The following ABCA13 variants were observed in gnomAD, a reference collection of about 807,000 sequenced individuals.
ABCA13 encodes the protein ATP binding cassette subfamily A member 13, also known as ATP-binding cassette sub-family A member 13.
A neutral mutation model predicts 478.7 loss-of-function variants in ABCA13; 476 were observed. That is an observed-to-expected ratio of 0.99 (90% confidence interval 0.92 to 1.07). The LOEUF is 1.07. ABCA13 is among the 50% of genes least tolerant of loss of function. The pLI, the probability that ABCA13 is intolerant of heterozygous loss-of-function variation, is 0.00. For synonymous variants in ABCA13, 2,252 were observed against 2,158.9 expected (o/e 1.04, Z -1.20); for missense variants, 6,060 against 5,910.6 (o/e 1.03, Z -0.83).
intron 1 of ABCA13, among the ~76,000 whole-genome samples, chr7:48,189,910 T>C (rs1397689655): frequency 2.0e-5 from 3 of 152,196 alleles, no homozygotes; most frequent in Non-Finnish European, 4.4e-5. Context: ...AAAATGATGC[T>C]TTGTAAGTCT....
chr7:48,257,383 C>T (rs1436649359), intron 15 of ABCA13, among the ~76,000 whole-genome samples: 1 of 152,038 alleles, frequency 6.6e-6, no homozygotes, highest in Non-Finnish European at 1.5e-5. Context: ...TGTTACAGTT[C>T]TAAAGGGAAA....
At chr7:48,402,127 G>T (rs1183841710) in intron 38 of ABCA13, among the ~76,000 whole-genome samples, 1 of 152,110 alleles carries the variant, frequency 6.6e-6, no homozygotes, top group Non-Finnish European at 1.5e-5. Flanking sequence ...CTTGCTTAGG[G>T]TGCACAATGA....
chr7:48,601,689 G>T (rs1790909598), intron 58 of ABCA13, among the ~76,000 whole-genome samples: 1 of 152,160 alleles, frequency 6.6e-6, no homozygotes, highest in Non-Finnish European at 1.5e-5. Context: ...ACATATGTGT[G>T]CATGTGTCAT....
At chr7:48,294,110 T>C (rs766153381) in intron 20 of ABCA13, among the ~76,000 whole-genome samples, 3 of 152,114 alleles carry the variant, frequency 2.0e-5, no homozygotes, top group Non-Finnish European at 4.4e-5. Context: ...TTTTTAATAA[T>C]ATATATTTGA....
intron 27 of ABCA13, 150 bp downstream of exon 27, chr7:48,317,446 C>A: frequency 1.0e-6 from 1 of 968,082 alleles, no homozygotes; most frequent in Non-Finnish European, 1.4e-6. Flanking sequence ...GAGTGTTTTT[C>A]CTGTCATTGT....
chr7:48,305,408 T>A (rs1159478068), intron 23 of ABCA13, among the ~76,000 whole-genome samples: 1 of 152,194 alleles, frequency 6.6e-6, no homozygotes, highest in Non-Finnish European at 1.5e-5. Flanking sequence ...GGGTCCCCAA[T>A]GGCAGAGAGC....
Position 48,276,265 on chromosome 7 carries a change from T to C in ABCA13, c.6599T>C (p.Val2200Ala). 2 of 1,569,092 alleles carry C rather than the reference T, an allele frequency of 1.3e-6. No homozygotes were observed. The highest frequency in any genetic ancestry group is 1.7e-6 in the Non-Finnish European group (2 of 1,156,088). ...CAAGAACAGCTGACTAATTTCTCAG[T>C]TGTTCAGCTGCTTTTTGAAAACATC... ...LNQEQLTNFS[V>A]VQLLFENILI... The change falls in exon 17 of 62, where the codon GTT becomes GCT. Residue 2200 changes from valine to alanine, a missense_variant. By Grantham distance (64) the Val-to-Ala change is moderately conservative. Around this residue, in one of 3 missense-constraint regions of ABCA13, gnomAD observed 4,423 missense variants for 4,309.1 expected, o/e 1.03. Transcript: ENST00000435803.
chr7:48,598,904 T>TAATATCC (rs1426901173), intron 58 of ABCA13, among the ~76,000 whole-genome samples: 4 of 152,106 alleles, frequency 2.6e-5, no homozygotes, highest in African/African-American at 7.2e-5. Context: ...TTATGCATGT[T>TAATATCC]AATATCCAAT....
intron 44 of ABCA13, among the ~76,000 whole-genome samples, chr7:48,470,002 A>C (rs979617896): frequency 1.3e-5 from 2 of 152,042 alleles, no homozygotes; most frequent in African/African-American, 4.8e-5. Flanking sequence ...CAGTGTGTCC[A>C]AACCTGAAGG....
intron 42 of ABCA13, among the ~76,000 whole-genome samples, chr7:48,450,959 T>C (rs1194305513): frequency 6.6e-6 from 1 of 151,108 alleles, no homozygotes; most frequent in Non-Finnish European, 1.5e-5. Context: ...TTCTTGCCTC[T>C]TGTTATTATA....
intron 53 of ABCA13, among the ~76,000 whole-genome samples, chr7:48,520,503 A>G (rs548515388): frequency 6.6e-6 from 1 of 152,222 alleles, no homozygotes; most frequent in African/African-American, 2.4e-5. Flanking sequence ...TAAGGTGACA[A>G]ACTGTGAGAT....
At position 48,530,481 on chromosome 7, in the gene ABCA13, C is replaced by CT. The variant is rs1833157224; in HGVS notation, c.14354+2143dup. Among the ~76,000 whole-genome samples the CT allele has an allele frequency of 1.1e-4, 17 of 152,082 alleles. 1 individual carries two copies. In the South Asian group the frequency reaches 3.3e-3, roughly 30 times the overall value. On this transcript the variant is annotated intron_variant, in intron 55 of 61. Transcript: ENST00000435803. The stretch of plus-strand genomic sequence containing the variant: ...CGCAAATATCTTTTTCATATAATGA[C>CT]TTTTTTTCCTTTGGGTAGATACCTA...
At chr7:48,307,122 C>T (rs1174238372) in intron 23 of ABCA13, among the ~76,000 whole-genome samples, 1 of 152,234 alleles carries the variant, frequency 6.6e-6, no homozygotes, top group African/African-American at 2.4e-5. Context: ...AAATCTCTCT[C>T]AATGTATGTA....
At chr7:48,358,228 A>G (rs1810263787) in intron 31 of ABCA13, among the ~76,000 whole-genome samples, 1 of 3,376 alleles carries the variant, frequency 3.0e-4, no homozygotes, top group African/African-American at 8.8e-4. Flanking sequence ...AAGGAAGGGG[A>G]GGGGAGGGGA....
intron 15 of ABCA13, 139 bp downstream of exon 15, chr7:48,249,490 AT>A: frequency 9.1e-7 from 1 of 1,099,292 alleles, no homozygotes; most frequent in Non-Finnish European, 1.3e-6. Context: ...TGGCATTGTG[AT>A]TACTTCATAT....
At chr7:48,624,059 AGTGTGTGTGTGTGTGT>A (rs3078326) in intron 59 of ABCA13, among the ~76,000 whole-genome samples, 8 of 142,540 alleles carry the variant, frequency 5.6e-5, no homozygotes, top group South Asian at 4.6e-4. Flanking sequence ...CACATGATAG[AGTGTGTGTGTGTGTGT>A]GTGTGTGTGT....
chr7:48,616,264 A>T (rs1260945409), intron 59 of ABCA13, among the ~76,000 whole-genome samples: 2 of 152,168 alleles, frequency 1.3e-5, no homozygotes, highest in Non-Finnish European at 2.9e-5. Context: ...GTGAGTGTCC[A>T]TTTTTAGAGT....
intron 29 of ABCA13, among the ~76,000 whole-genome samples, chr7:48,339,473 C>T (rs886165217): frequency 2.6e-5 from 4 of 152,146 alleles, no homozygotes; most frequent in Non-Finnish European, 4.4e-5. Context: ...CTGTGTGGAA[C>T]GCAGATGTCT....
At chr7:48,351,729 G>T (rs555553908) in intron 30 of ABCA13, among the ~76,000 whole-genome samples, 1 of 152,270 alleles carries the variant, frequency 6.6e-6, no homozygotes, top group African/African-American at 2.4e-5. Context: ...TTTAGTAAGG[G>T]ACACGATTTA....
Sources: gnomAD v4.1 joint callset for allele counts (sites outside exome capture counted in the v4.1 genomes callset) on GRCh38, gnomAD v4.1.1 for gene constraint, gnomAD v4.1.1 regional missense constraint, MANE v1.5 for transcripts, NCBI Gene and HGNC (gene_info 2026-07-23, HGNC 2026-07-21) for gene names.